SORCS2: variants seen among roughly 807,000 people sequenced by gnomAD.
SORCS2 encodes sortilin related VPS10 domain containing receptor 2.
A neutral mutation model predicts 141.6 loss-of-function variants in SORCS2; 100 were observed. The observed-to-expected ratio is 0.71, with a 90% confidence interval of 0.60 to 0.83. The LOEUF (loss-of-function observed/expected upper bound fraction) is 0.83, where lower values mean the gene tolerates loss of function less well. SORCS2 is among the 40% of genes least tolerant of loss of function. SORCS2 has a pLI of 0.00. For missense variants in SORCS2, 1,646 were observed against 1,560.2 expected (o/e 1.05, Z -0.93); for synonymous variants, 789 against 676.9 (o/e 1.17, Z -2.57).
At chr4:7,543,594 TTCCA>T (rs1187758359) in intron 3 of SORCS2, among the ~76,000 whole-genome samples, 1 of 98,750 alleles carries the variant, frequency 1.0e-5, no homozygotes, top group Non-Finnish European at 2.1e-5. Flanking sequence ...CATCCATCCA[TTCCA>T]TCCATCCATC....
At chr4:7,719,853 C>T (rs147416784) in intron 18 of SORCS2, among the ~76,000 whole-genome samples, 156 of 152,320 alleles carry the variant, frequency 1.0e-3, no homozygotes, top group African/African-American at 3.3e-3. Flanking sequence ...CTTGCTGGGC[C>T]TGCTCTGCTG....
intron 3 of SORCS2, among the ~76,000 whole-genome samples, chr4:7,538,490 G>A (rs1712309740): frequency 6.6e-6 from 1 of 152,210 alleles, no homozygotes; most frequent in South Asian, 2.1e-4. Context: ...GCTGGCCCAG[G>A]CATGGAATTT....
intron 1 of SORCS2, among the ~76,000 whole-genome samples, chr4:7,308,825 C>G (rs1718005187): frequency 6.6e-6 from 1 of 152,212 alleles, no homozygotes; most frequent in Non-Finnish European, 1.5e-5. Flanking sequence ...TGTCTGTCCT[C>G]TTTCTGCTCT....
intron 2 of SORCS2, among the ~76,000 whole-genome samples, chr4:7,435,465 T>A: frequency 6.6e-6 from 1 of 152,206 alleles, no homozygotes; most frequent in Admixed American, 6.5e-5. Context: ...GCTGTGCTGT[T>A]TGGGGAGTTA....
At chr4:7,250,107 T>A (rs946065208) in intron 1 of SORCS2, among the ~76,000 whole-genome samples, 1 of 152,142 alleles carries the variant, frequency 6.6e-6, no homozygotes, top group Non-Finnish European at 1.5e-5. Context: ...CCAGGTGTGG[T>A]GGCATGCACC....
chr4:7,437,176 G>C (rs1727361432), intron 2 of SORCS2, among the ~76,000 whole-genome samples: 1 of 152,166 alleles, frequency 6.6e-6, no homozygotes, highest in African/African-American at 2.4e-5. Flanking sequence ...CAGGTCCGAG[G>C]TTGGCACCTG....
chr4:7,590,507 G>T (rs1429319358), intron 3 of SORCS2, among the ~76,000 whole-genome samples: 1 of 152,196 alleles, frequency 6.6e-6, no homozygotes, highest in African/African-American at 2.4e-5. Flanking sequence ...TTCTCCCCTC[G>T]GGAGCCGGGC....
intron 3 of SORCS2, among the ~76,000 whole-genome samples, chr4:7,605,793 G>A (rs1023802665): frequency 6.6e-6 from 1 of 152,096 alleles, no homozygotes; most frequent in African/African-American, 2.4e-5. Context: ...TCCTGGGAGG[G>A]GGTCTTGGGG....
chr4:7,580,984 C>G (rs534884403), intron 3 of SORCS2, among the ~76,000 whole-genome samples: 1 of 151,876 alleles, frequency 6.6e-6, no homozygotes, highest in Admixed American at 6.6e-5. Flanking sequence ...TTTCTAAAAT[C>G]CTTACAACAA....
At chr4:7,583,614 A>G (rs933738686) in intron 3 of SORCS2, among the ~76,000 whole-genome samples, 6 of 152,086 alleles carry the variant, frequency 3.9e-5, no homozygotes, top group Admixed American at 3.3e-4. Context: ...GTCTCACAAG[A>G]TCTGATGGTT....
At chr4:7,602,184 T>C (rs1384349412) in intron 3 of SORCS2, among the ~76,000 whole-genome samples, 7 of 152,216 alleles carry the variant, frequency 4.6e-5, no homozygotes, top group Non-Finnish European at 1.0e-4. Context: ...GGCTGCTGGG[T>C]ACACCTCCCA....
chr4:7,515,170 C>T (rs975987999), intron 2 of SORCS2, among the ~76,000 whole-genome samples: 8 of 152,198 alleles, frequency 5.3e-5, no homozygotes, highest in East Asian at 1.9e-4. Context: ...GAGTGGGAGG[C>T]GTGGCTCCCT....
intron 3 of SORCS2, among the ~76,000 whole-genome samples, chr4:7,573,105 C>G (rs770615113): frequency 1.2e-4 from 18 of 152,186 alleles, no homozygotes; most frequent in Non-Finnish European, 1.9e-4. Context: ...ATGAGAACAG[C>G]CTGCCTTCAA....
At chr4:7,359,122 C>T (rs959289610) in intron 1 of SORCS2, among the ~76,000 whole-genome samples, 1 of 152,198 alleles carries the variant, frequency 6.6e-6, no homozygotes, top group Non-Finnish European at 1.5e-5. Context: ...ATGGCGAAAT[C>T]CTGCCTCTAC....
intron 3 of SORCS2, among the ~76,000 whole-genome samples, chr4:7,548,226 C>T (rs1177943093): frequency 6.6e-6 from 1 of 152,116 alleles, no homozygotes; most frequent in Non-Finnish European, 1.5e-5. Context: ...AGGAATGCTC[C>T]CGCGACCATT....
At chr4:7,733,604 C>A (rs1305301457) in intron 24 of SORCS2, among the ~76,000 whole-genome samples, 183 bp downstream of exon 24, 2 of 152,208 alleles carry the variant, frequency 1.3e-5, no homozygotes, top group African/African-American at 4.8e-5. Flanking sequence ...TCTGCGGATG[C>A]CCCATGGAGC....
intron 1 of SORCS2, among the ~76,000 whole-genome samples, chr4:7,257,945 C>T (rs576358061): frequency 3.3e-5 from 5 of 152,194 alleles, no homozygotes; most frequent in Non-Finnish European, 7.3e-5. Context: ...GTGTTTGCTG[C>T]TTTCCTCTGT....
chr4:7,214,165 G>T (rs977465660), intron 1 of SORCS2, among the ~76,000 whole-genome samples: 4 of 152,162 alleles, frequency 2.6e-5, no homozygotes, highest in Non-Finnish European at 5.9e-5. Flanking sequence ...TGGGGAGGCT[G>T]CTGTGGCTTG....
At chr4:7,280,064 T>A (rs980994771) in intron 1 of SORCS2, among the ~76,000 whole-genome samples, 1 of 152,118 alleles carries the variant, frequency 6.6e-6, no homozygotes, top group African/African-American at 2.4e-5. Context: ...TCATTCACGG[T>A]GCTGTGAAGT....
Sources: allele counts gnomAD v4.1 joint callset (sites outside exome capture counted in the v4.1 genomes callset), GRCh38; gene constraint gnomAD v4.1.1; transcripts MANE v1.5; gene names NCBI Gene and HGNC (gene_info 2026-07-23, HGNC 2026-07-21).